LGALS3: variants seen among roughly 807,000 people sequenced by gnomAD.
LGALS3 encodes galectin 3.
A neutral mutation model predicts 20.7 loss-of-function variants in LGALS3; 18 were observed. The ratio of observed to expected loss-of-function variants is 0.87; its 90% confidence interval spans 0.60 to 1.29. The LOEUF is 1.29. Among genes scored for constraint, LGALS3 ranks in the 50% most tolerant of loss-of-function variants. LGALS3 has a pLI of 0.00. For synonymous variants in LGALS3, 112 were observed against 119.6 expected, an observed-to-expected ratio of 0.94 and a Z score of 0.42; for missense variants, 315 against 314.7, an observed-to-expected ratio of 1.00 and a Z score of -0.01.
chr14:55,137,185 G>A, intron 1 of LGALS3, 185 bp from the exon 2 acceptor site: 1 of 674,718 alleles, frequency 1.5e-6, no homozygotes, highest in South Asian at 1.7e-5. Flanking sequence ...GTTAAATAGG[G>A]TTTGGCAATC....
chr14:55,136,406 T>C (rs1431609037), intron 1 of LGALS3, among the ~76,000 whole-genome samples: 1 of 152,178 alleles, frequency 6.6e-6, no homozygotes. Context: ...CTTTCTGGGT[T>C]TGAATTCCTA....
At chr14:55,137,744 A>G in intron 2 of LGALS3, 1 of 1,336,614 alleles carries the variant, frequency 7.5e-7, no homozygotes, top group Non-Finnish European at 9.5e-7. Flanking sequence ...CACGGTGATG[A>G]AAAAGTATGT....
At chr14:55,137,584 AGCGAGGCCTG>A in intron 2 of LGALS3, 193 bp downstream of exon 2, 1 of 1,493,150 alleles carries the variant, frequency 6.7e-7, no homozygotes. Flanking sequence ...AGCCAGGCAG[AGCGAGGCCTG>A]GGACTCACTC....
chr14:55,138,386 C>T lies in LGALS3; in HGVS notation c.342+18C>T. 2 of 1,611,792 alleles carry T rather than the reference C, an allele frequency of 1.2e-6. No individual in the cohort carries two copies. Among genetic ancestry groups the T allele is most frequent in the Non-Finnish European group, 1.7e-6 (2 of 1,179,678 alleles). On this transcript the variant is annotated intron_variant, in intron 3 of 5. Transcript: ENST00000254301. Reference sequence around the variant, plus strand: ...GGCCACTGGTGAGATGGCATTCCTTCTTTCATGTACTTGACATGCAGAGGG... The same window carrying T: ...GGCCACTGGTGAGATGGCATTCCTTTTTTCATGTACTTGACATGCAGAGGG...
chr14:55,133,846 G>T (rs1343053295), intron 1 of LGALS3, among the ~76,000 whole-genome samples: 1 of 152,172 alleles, frequency 6.6e-6, no homozygotes, highest in African/African-American at 2.4e-5. Context: ...TTGACTTTCT[G>T]GTTGGAATCA....
intron 5 of LGALS3, among the ~76,000 whole-genome samples, chr14:55,143,194 T>C (rs186736601): frequency 6.6e-6 from 1 of 152,286 alleles, no homozygotes; most frequent in African/African-American, 2.4e-5. Context: ...CCTTCCCCCA[T>C]CCTCACAAAG....
chr14:55,132,929 GA>G (rs1881273347), intron 1 of LGALS3, among the ~76,000 whole-genome samples: 1 of 152,130 alleles, frequency 6.6e-6, no homozygotes, highest in African/African-American at 2.4e-5. Context: ...CCAATTTTTG[GA>G]AAAGTACACT....
chr14:55,134,858 CAA>C (rs1881335872), intron 1 of LGALS3, among the ~76,000 whole-genome samples: 1 of 151,998 alleles, frequency 6.6e-6, no homozygotes, highest in Non-Finnish European at 1.5e-5. Context: ...TGACCATGTT[CAA>C]AAAGAGATGT....
In LGALS3 at chr14:55,129,509, G is replaced by A. The variant is rs968391973; in HGVS notation, c.-5+209G>A. Among the ~76,000 whole-genome samples, 19 of 152,260 alleles carry A rather than the reference G, an allele frequency of 1.2e-4. No homozygotes were observed. Among genetic ancestry groups the A allele is most frequent in the African/African-American group, 4.6e-4 (19 of 41,572 alleles). ...CGGGGCAGTCGCCTTTGATTATCGAGGGCGCTGGCGTTCGGGGAAGGTTGG... is the reference window on the plus strand; with the variant it reads ...CGGGGCAGTCGCCTTTGATTATCGAAGGCGCTGGCGTTCGGGGAAGGTTGG... On this transcript the variant is annotated intron_variant, in intron 1 of 5. Coordinates refer to ENST00000254301, the MANE Select transcript of LGALS3 (RefSeq NM_002306.4). This position sits in a 1 kb window ranked among gnomAD's most constrained non-coding sequence, Gnocchi z 5.3.
At chr14:55,142,557 T>G (rs756133044) in intron 4 of LGALS3, 27 bp from the exon 5 acceptor site, 1 of 1,590,132 alleles carries the variant, frequency 6.3e-7, no homozygotes, top group Non-Finnish European at 8.6e-7. Flanking sequence ...TTAATCATTT[T>G]AATAACTGGT....
chr14:55,140,336 T>C lies in LGALS3; in HGVS notation c.404T>C (p.Leu135Pro). 6.2e-7 allele frequency: 1 copy of C among 1,613,416 alleles called. No homozygotes were observed. Among genetic ancestry groups the C allele is most frequent in the Non-Finnish European group, 8.5e-7 (1 of 1,179,580 alleles). The change falls in exon 4 of 6, where the codon CTG becomes CCG. Residue 135 changes from leucine (L) to proline (P), a missense_variant. Transcript: ENST00000254301. ...GTGCCTCGCATGCTGATAACAATTC[T>C]GGGCACGGTGAAGCCCAATGCAAAC... ...GVVPRMLITI[L>P]GTVKPNANRI... is the part of the protein sequence containing the mutation.
chr14:55,138,197 G>A lies in LGALS3; in HGVS notation c.171G>A (p.Gln57=). The part of the protein sequence containing the change: ...GQAPPGAYPG[Q]APPGAYPGAP... The stretch of plus-strand genomic sequence containing the variant: ...CACCCCCAGGGGCTTATCCTGGACA[G>A]GCACCTCCAGGCGCCTACCCTGGAG... Residue 57 remains glutamine (Q), a synonymous_variant, in exon 3 of 6, where the codon CAG becomes CAA. Transcript: ENST00000254301. 6.2e-7 allele frequency: 1 copy of A among 1,612,792 alleles called. No individual in the cohort carries two copies. Among genetic ancestry groups the A allele is most frequent in the Non-Finnish European group, 8.5e-7 (1 of 1,179,350 alleles).
chr14:55,136,154 G>A (rs1401757688), intron 1 of LGALS3, among the ~76,000 whole-genome samples: 2 of 152,156 alleles, frequency 1.3e-5, no homozygotes, highest in East Asian at 3.8e-4. Context: ...AGGAACAGGA[G>A]AAAGCAGGAC....
chr14:55,145,210 T>C lies in LGALS3; in HGVS notation c.692T>C (p.Ile231Thr). The change falls in exon 6 of 6, where the codon ATC becomes ACC. Residue 231 changes from isoleucine (I) to threonine (T), a missense_variant. Coordinates refer to ENST00000254301, the MANE Select transcript of LGALS3 (RefSeq NM_002306.4). The part of the protein sequence containing the change: ...YNHRVKKLNE[I>T]SKLGISGDID... ...CATCGGGTTAAAAAACTCAATGAAA[T>C]CAGCAAACTGGGAATTTCTGGTGAC... 1 of 1,613,264 alleles carries C rather than the reference T, an allele frequency of 6.2e-7. No individual in the cohort carries two copies. Among genetic ancestry groups the C allele is most frequent in the Non-Finnish European group, 8.5e-7 (1 of 1,179,806 alleles).
intron 4 of LGALS3, 46 bp downstream of exon 4, chr14:55,140,409 T>C (rs370959518): frequency 1.6e-6 from 2 of 1,261,938 alleles, no homozygotes; most frequent in African/African-American, 3.0e-5. Flanking sequence ...GTAGATTGGT[T>C]TTTGAATAAA....
chr14:55,141,744 T>G (rs1412393445), intron 4 of LGALS3, among the ~76,000 whole-genome samples: 1 of 152,246 alleles, frequency 6.6e-6, no homozygotes, highest in Non-Finnish European at 1.5e-5. Flanking sequence ...CTTACAAATT[T>G]AATCACTGGA....
chr14:55,145,347 G>A lies in LGALS3; in HGVS notation c.*76G>A, dbSNP rs770973763. On this transcript the variant is annotated 3_prime_UTR_variant, in exon 6 of 6. Coordinates refer to ENST00000254301, the MANE Select transcript of LGALS3 (RefSeq NM_002306.4). The stretch of plus-strand genomic sequence containing the variant: ...TAAAGGTTTCATGTTCACTGTGAGT[G>A]AAAATTTTTACATTCATCAATATCC... 13 of 1,596,258 alleles carry A rather than the reference G, an allele frequency of 8.1e-6. No individual in the cohort carries two copies. The highest frequency in any genetic ancestry group is 9.4e-6 in the Non-Finnish European group (11 of 1,173,852).
At chr14:55,136,851 T>G (rs1881412548) in intron 1 of LGALS3, among the ~76,000 whole-genome samples, 1 of 149,380 alleles carries the variant, frequency 6.7e-6, no homozygotes, top group African/African-American at 2.5e-5. Flanking sequence ...ATCCTTCTAT[T>G]CTATATCTCT....
rs550910532 is a variant in LGALS3, at chr14:55,131,998, G to A, written c.-5+2698G>A. Among the ~76,000 whole-genome samples, 3 of 152,324 alleles carry A rather than the reference G, an allele frequency of 2.0e-5. No homozygotes were observed. The South Asian group carries it at 6.2e-4, about 32-fold the overall frequency. ...TGTAGGGCAGTGCCTAGGGGCTCAG[G>A]AAGTAGTCTTCTTCTGTGACGGTTG... is the stretch of plus-strand genomic sequence containing the variant. On this transcript the variant is annotated intron_variant, in intron 1 of 5. Coordinates refer to ENST00000254301, the MANE Select transcript of LGALS3 (RefSeq NM_002306.4).
Sources: gnomAD v4.1 joint callset for allele counts (sites outside exome capture counted in the v4.1 genomes callset) on GRCh38, gnomAD v4.1.1 for gene constraint, Gnocchi (gnomAD v3.1) non-coding constraint, MANE v1.5 for transcripts, NCBI Gene and HGNC (gene_info 2026-07-23, HGNC 2026-07-21) for gene names.